THNSL1: variants seen among roughly 807,000 people sequenced by gnomAD.
THNSL1 encodes threonine synthase-like 1.
Under a neutral mutation model 50.4 loss-of-function variants are expected in THNSL1, and 48 were observed. The observed-to-expected ratio is 0.95, with a 90% CI of 0.76 to 1.21. The LOEUF is 1.21. Among genes scored for constraint, THNSL1 ranks in the 50% most tolerant of loss-of-function variants. The pLI, the probability that THNSL1 is intolerant of heterozygous loss-of-function variation, is 0.00. For missense variants in THNSL1, 896 were observed against 871.7 expected (o/e 1.03, Z -0.35); for synonymous variants, 309 against 306.1 (o/e 1.01, Z -0.10).
the THNSL1 span, among the ~76,000 whole-genome samples, chr10:24,999,768 G>C: frequency 6.6e-6 from 1 of 152,164 alleles, no homozygotes; most frequent in Non-Finnish European, 1.5e-5. Context: ...AGTGTTCATA[G>C]TATTTCCTTA....
rs1413109120 is a variant in THNSL1, at chr10:25,025,973, G to A, written c.*518G>A. On this transcript the variant is annotated 3_prime_UTR_variant, in exon 3 of 3. Transcript: ENST00000376356. ...AGCTCACTGCAACCTCCGCCTCCCA[G>A]GTTCAAGTGATTCTCCTGCCTCAGC... 2 of 156,318 alleles carry A rather than the reference G, an allele frequency of 1.3e-5. No individual in the cohort carries two copies. Among genetic ancestry groups the A allele is most frequent in the African/African-American group, 4.8e-5 (2 of 41,436 alleles). The allele number at this position is 156,318 out of a possible 1,614,324, so 9.7% of individuals were successfully genotyped here.
the THNSL1 span, among the ~76,000 whole-genome samples, chr10:25,007,598 G>C: frequency 4.6e-5 from 7 of 151,910 alleles, no homozygotes; most frequent in African/African-American, 1.7e-4. Flanking sequence ...CCACACCCGG[G>C]TAATTTTTTG....
the THNSL1 span, among the ~76,000 whole-genome samples, chr10:24,962,542 T>G: frequency 1.3e-5 from 2 of 152,240 alleles, no homozygotes; most frequent in African/African-American, 4.8e-5. Flanking sequence ...GGATCGAATT[T>G]TAAAAATCAT....
At chr10:24,971,924 C>T in the THNSL1 span, among the ~76,000 whole-genome samples, 1 of 152,172 alleles carries the variant, frequency 6.6e-6, no homozygotes, top group African/African-American at 2.4e-5. Context: ...GGTGCAGTGG[C>T]TCACACCTGT....
the THNSL1 span, among the ~76,000 whole-genome samples, chr10:24,955,027 A>G: frequency 1.3e-5 from 2 of 152,202 alleles, no homozygotes; most frequent in East Asian, 1.9e-4. Context: ...TGAAGAAAAG[A>G]GGTTTAATTG....
intron 1 of THNSL1, among the ~76,000 whole-genome samples, chr10:25,018,659 G>GT (rs374289213): frequency 0.24 from 22,471 of 93,304 alleles, 3,007 homozygotes; most frequent in Non-Finnish European, 0.34. Flanking sequence ...AATGAGAGTT[G>GT]TTTTTTTTTT....
rs1285806140 is a variant in THNSL1 at position 25,023,947 on chromosome 10, T to G, written c.724T>G (p.Cys242Gly). 2 of 1,614,168 alleles carry G rather than the reference T, an allele frequency of 1.2e-6. No individual in the cohort carries two copies. The highest frequency in any genetic ancestry group is 4.5e-5 in the East Asian group (2 of 44,884). ...ISTRHVWPED[C>G]EQKVSAKFFS... Reference sequence around the variant, plus strand: ...AACAAGACACGTTTGGCCTGAAGACTGTGAACAGAAGGTTTCAGCAAAATT... The same window carrying G: ...AACAAGACACGTTTGGCCTGAAGACGGTGAACAGAAGGTTTCAGCAAAATT... Residue 242 changes from cysteine to glycine, a missense_variant, in exon 3 of 3, where the codon TGT (cysteine) becomes GGT (glycine). Physicochemically the swap from Cys to Gly is radical, Grantham distance 159. Transcript: ENST00000376356.
chr10:24,959,130 C>T, the THNSL1 span, among the ~76,000 whole-genome samples: 1 of 152,188 alleles, frequency 6.6e-6, no homozygotes, highest in African/African-American at 2.4e-5. Context: ...GTGCCTCAGC[C>T]AGTGCTGAGT....
Position 25,023,473 on chromosome 10 carries a change from A to C in THNSL1, c.250A>C (p.Ile84Leu). ...AGGTCAGAAACTAGGTTGTTGTGTC[A>C]TAGATGTGGATGATGATATCCTTGA... ...IIGQKLGCCV[I>L]DVDDDILEKT... Residue 84 changes from isoleucine (I) to leucine (L), a missense_variant, in exon 3 of 3, where the codon ATA (isoleucine) becomes CTA (leucine). Ile to Leu is a conservative substitution (Grantham distance 5). Coordinates refer to ENST00000376356, the MANE Select transcript of THNSL1 (RefSeq NM_024838.5). 6.2e-7 allele frequency: 1 copy of C among 1,614,160 alleles called. No individual in the cohort carries two copies. The highest frequency in any genetic ancestry group is 8.5e-7 in the Non-Finnish European group (1 of 1,180,010).
At chr10:24,970,037 C>T in the THNSL1 span, among the ~76,000 whole-genome samples, 5 of 152,230 alleles carry the variant, frequency 3.3e-5, no homozygotes, top group African/African-American at 1.2e-4. Context: ...ATTCATGGTT[C>T]TCATTTCCTG....
chr10:24,992,830 T>A, the THNSL1 span, among the ~76,000 whole-genome samples: 1 of 152,126 alleles, frequency 6.6e-6, no homozygotes, highest in African/African-American at 2.4e-5. Context: ...ACAAATAGAC[T>A]CTGGGAGGCC....
At chr10:25,010,327 G>A in the THNSL1 span, among the ~76,000 whole-genome samples, 1 of 152,146 alleles carries the variant, frequency 6.6e-6, no homozygotes, top group Non-Finnish European at 1.5e-5. Context: ...ATGATTCCGG[G>A]CATCTGATGG....
In THNSL1 at chr10:25,024,399, T is replaced by A; in HGVS notation, c.1176T>A (p.Arg392=). ...GTGCAGTCTTAAATGGTTTTAGTCG[T>A]CTAAATAAGAATGATAAGCAAAGGA... ...TGSAVLNGFS[R]LNKNDKQRIA... is the part of the protein sequence containing the mutation. The change falls in exon 3 of 3, where the codon CGT becomes CGA. Residue 392 remains arginine, a synonymous_variant. Coordinates refer to ENST00000376356, the MANE Select transcript of THNSL1 (RefSeq NM_024838.5). The A allele has an allele frequency of 6.2e-7, 1 of 1,613,910 alleles. No individual in the cohort carries two copies. Among genetic ancestry groups the A allele is most frequent in the Non-Finnish European group, 8.5e-7 (1 of 1,180,012 alleles).
At chr10:24,984,249 A>G in the THNSL1 span, 7 of 1,127,050 alleles carry the variant, frequency 6.2e-6, no homozygotes, top group Non-Finnish European at 8.8e-6. Context: ...AGGAAAATAC[A>G]TCTTTTGCAT....
At chr10:24,957,733 G>A in the THNSL1 span, among the ~76,000 whole-genome samples, 29 of 152,192 alleles carry the variant, frequency 1.9e-4, no homozygotes, top group African/African-American at 3.9e-4. Flanking sequence ...TGCCTGCCTC[G>A]GCCTGCCAAA....
chr10:24,982,442 T>C, the THNSL1 span: 1 of 152,196 alleles, frequency 6.6e-6, no homozygotes, highest in Non-Finnish European at 1.5e-5. Flanking sequence ...ATCAAATCTT[T>C]ATTCTACCCA....
chr10:25,021,051 A>G (rs1269595171), intron 1 of THNSL1, among the ~76,000 whole-genome samples: 1 of 152,166 alleles, frequency 6.6e-6, no homozygotes, highest in Non-Finnish European at 1.5e-5. Flanking sequence ...GCATGGCAAA[A>G]CAGTTCTTGA....
the THNSL1 span, chr10:24,953,194 C>T: frequency 4.1e-3 from 629 of 152,494 alleles, no homozygotes; most frequent in Admixed American, 7.3e-3. Flanking sequence ...CTCCCTCCAC[C>T]TCCCCTCACC....
the THNSL1 span, among the ~76,000 whole-genome samples, chr10:24,989,417 G>A: frequency 5.3e-5 from 8 of 152,260 alleles, no homozygotes; most frequent in South Asian, 4.2e-4. Flanking sequence ...GGGACATGCC[G>A]TCACTCTACA....
Sources: gnomAD v4.1 joint callset for allele counts (sites outside exome capture counted in the v4.1 genomes callset) on GRCh38, gnomAD v4.1.1 for gene constraint, MANE v1.5 for transcripts, NCBI Gene and HGNC (gene_info 2026-07-23, HGNC 2026-07-21) for gene names.